Variants in CNTLN observed in about 807,000 individuals in gnomAD.
The protein encoded by CNTLN is centlein, also known as centlein, centrosomal protein.
Under a neutral mutation model 180.0 loss-of-function variants are expected in CNTLN, and 212 were observed. The ratio of observed to expected loss-of-function variants is 1.18; its 90% CI spans 1.05 to 1.32. CNTLN has a LOEUF of 1.32. Among genes scored for constraint, CNTLN ranks in the 40% most tolerant of loss-of-function variants. The pLI is 0.00. For missense variants in CNTLN, 2,095 were observed against 1,610.9 expected, an observed-to-expected ratio of 1.30 and a Z score of -5.14; for synonymous variants, 722 against 563.1, an observed-to-expected ratio of 1.28 and a Z score of -3.99.
chr9:17,478,051 G>C (rs1162288321), intron 23 of CNTLN, among the ~76,000 whole-genome samples: 2 of 152,200 alleles, frequency 1.3e-5, no homozygotes, highest in Non-Finnish European at 2.9e-5. Context: ...TCAACCTTGA[G>C]GCAAGACTCT....
rs1005373891 is a variant in CNTLN at position 17,228,299 on chromosome 9, A to G, written c.534+2012A>G. Among the ~76,000 whole-genome samples, 58 of 152,024 alleles carry G rather than the reference A, an allele frequency of 3.8e-4. 1 individual carries two copies. Among genetic ancestry groups the G allele is most frequent in the Admixed American group, 1.1e-3 (16 of 15,234 alleles). On this transcript the variant is annotated intron_variant, in intron 3 of 25. Transcript: ENST00000380647. ...TGCATCCTTGAGTAGGGATTGTTTC[A>G]TTATTTATCTTTTGAGTGGAATCAC...
intron 15 of CNTLN, among the ~76,000 whole-genome samples, chr9:17,403,835 G>T (rs563935775): frequency 3.2e-4 from 49 of 151,864 alleles, no homozygotes; most frequent in Non-Finnish European, 6.5e-4. Context: ...GAGTGCAGTG[G>T]TGTGATCCTG....
Position 17,486,117 on chromosome 9 carries a change from A to G in CNTLN, c.4042-872A>G, listed in dbSNP as rs531888967. Among the ~76,000 whole-genome samples the G allele has an allele frequency of 3.3e-5, 5 of 152,264 alleles. No individual in the cohort carries two copies. The South Asian group carries it at 8.3e-4, about 25-fold the overall frequency. On this transcript the variant is annotated intron_variant, in intron 24 of 25. Coordinates refer to ENST00000380647, the MANE Select transcript of CNTLN (RefSeq NM_017738.4). ...TTTGATATATTTACTAGATTTCATT[A>G]TAGACCAGAGCTTATTTAGACTGAT...
intron 2 of CNTLN, among the ~76,000 whole-genome samples, chr9:17,182,924 C>G (rs751057489): frequency 6.6e-6 from 1 of 152,170 alleles, no homozygotes; most frequent in African/African-American, 2.4e-5. Flanking sequence ...GAGATAGATT[C>G]TAGTGCGTGC....
At chr9:17,509,668 T>C in the CNTLN span, among the ~76,000 whole-genome samples, 1 of 152,170 alleles carries the variant, frequency 6.6e-6, no homozygotes. Flanking sequence ...AATCAGTGTC[T>C]AATATATGGT....
chr9:17,395,456 T>C lies in CNTLN; in HGVS notation c.2615+387T>C, dbSNP rs1460330156. On this transcript the variant is annotated intron_variant, in intron 15 of 25. Coordinates refer to ENST00000380647, the MANE Select transcript of CNTLN (RefSeq NM_017738.4). ...AGCCTACTAAGTCGGTTTAGTTATC[T>C]TGTGACATACCAACCTGGGAGGAGA... is the stretch of plus-strand genomic sequence containing the variant. Among the ~76,000 whole-genome samples, 5 of 152,188 alleles carry C rather than the reference T, an allele frequency of 3.3e-5. No homozygotes were observed. In the South Asian group the frequency reaches 1.0e-3, roughly 32 times the overall value.
At chr9:17,221,114 C>G (rs1026341819) in intron 2 of CNTLN, among the ~76,000 whole-genome samples, 4 of 152,012 alleles carry the variant, frequency 2.6e-5, no homozygotes, top group African/African-American at 9.7e-5. Flanking sequence ...TTTTGGGATC[C>G]TGTTATTTTC....
intron 5 of CNTLN, among the ~76,000 whole-genome samples, chr9:17,241,454 T>C (rs555364458): frequency 6.6e-6 from 1 of 152,310 alleles, no homozygotes; most frequent in African/African-American, 2.4e-5. Context: ...TTTTGGTTAT[T>C]ATAGCTTTGT....
rs140784708 is a variant in CNTLN, at chr9:17,187,965, A to G, written c.450-38238A>G. 3.7e-3 allele frequency among the ~76,000 whole-genome samples: 553 copies of G among 149,846 alleles called. 6 individuals are homozygous for G. The highest frequency in any genetic ancestry group is 0.011 in the African/African-American group (466 of 41,130). ...ATAAGGAATAATTTAATATTTATATACTCTCTACTTTGCTCAATAATTATA... is the reference window on the plus strand; with the variant it reads ...ATAAGGAATAATTTAATATTTATATGCTCTCTACTTTGCTCAATAATTATA... On this transcript the variant is annotated intron_variant, in intron 2 of 25. Transcript: ENST00000380647.
intron 2 of CNTLN, among the ~76,000 whole-genome samples, chr9:17,211,949 T>C (rs1456255431): frequency 6.6e-6 from 1 of 152,178 alleles, no homozygotes; most frequent in Non-Finnish European, 1.5e-5. Flanking sequence ...CTTAAGGAGA[T>C]TGGGGCTGAG....
chr9:17,213,638 C>A (rs951663028), intron 2 of CNTLN, among the ~76,000 whole-genome samples: 1 of 152,116 alleles, frequency 6.6e-6, no homozygotes, highest in East Asian at 1.9e-4. Flanking sequence ...GTTGGTCTGT[C>A]TAATGTTGAC....
At chr9:17,139,244 C>A (rs532614809) in intron 1 of CNTLN, among the ~76,000 whole-genome samples, 1 of 152,002 alleles carries the variant, frequency 6.6e-6, no homozygotes, top group African/African-American at 2.4e-5. Context: ...CATGCCACCA[C>A]GCCTGGCTGA....
intron 18 of CNTLN, among the ~76,000 whole-genome samples, chr9:17,448,993 C>G (rs1588021976): frequency 6.6e-6 from 1 of 152,126 alleles, no homozygotes; most frequent in South Asian, 2.1e-4. Flanking sequence ...CTCTTTCTTT[C>G]CTATTGAGGA....
intron 15 of CNTLN, among the ~76,000 whole-genome samples, chr9:17,406,935 C>T (rs1827438798): frequency 6.7e-6 from 1 of 149,266 alleles, no homozygotes; most frequent in Admixed American, 6.7e-5. Flanking sequence ...GTGAAATATG[C>T]TGCTTTTTAT....
At chr9:17,398,794 A>T (rs547724044) in intron 15 of CNTLN, among the ~76,000 whole-genome samples, 5 of 152,318 alleles carry the variant, frequency 3.3e-5, no homozygotes, top group Non-Finnish European at 7.3e-5. Context: ...AACGTGCCAT[A>T]CCAAAATAAG....
chr9:17,484,528 A>C, intron 24 of CNTLN, 48 bp downstream of exon 24: 2 of 1,394,242 alleles, frequency 1.4e-6, no homozygotes, highest in Non-Finnish European at 2.0e-6. Context: ...TATACACTGG[A>C]CTTAAGTAGA....
intron 25 of CNTLN, among the ~76,000 whole-genome samples, chr9:17,492,909 G>T (rs904800197): frequency 6.6e-6 from 1 of 152,066 alleles, no homozygotes; most frequent in Admixed American, 6.6e-5. Flanking sequence ...GCCTTAAAAA[G>T]GCATGAAGTA....
intron 5 of CNTLN, among the ~76,000 whole-genome samples, chr9:17,261,716 G>A (rs1826993585): frequency 6.6e-6 from 1 of 150,902 alleles, no homozygotes; most frequent in Non-Finnish European, 1.5e-5. Flanking sequence ...TTGAATAGGA[G>A]TGGTAAGAGT....
chr9:17,378,302 C>G (rs1451837616), intron 13 of CNTLN, among the ~76,000 whole-genome samples: 2 of 152,114 alleles, frequency 1.3e-5, no homozygotes, highest in South Asian at 2.1e-4. Context: ...GCCTCAGTCT[C>G]CCACGTAGCT....
Sources: gnomAD v4.1 joint callset for allele counts (sites outside exome capture counted in the v4.1 genomes callset) on GRCh38, gnomAD v4.1.1 for gene constraint, MANE v1.5 for transcripts, NCBI Gene and HGNC (gene_info 2026-07-23, HGNC 2026-07-21) for gene names.